PPP1R9A: variants seen among roughly 807,000 people sequenced by gnomAD.
PPP1R9A encodes the protein protein phosphatase 1 regulatory subunit 9A.
Under a neutral mutation model 141.9 loss-of-function variants are expected in PPP1R9A, and 59 were observed. The observed-to-expected ratio is 0.42, with a 90% CI of 0.34 to 0.52. The LOEUF is 0.52. Among genes scored for constraint, PPP1R9A ranks in the 20% least tolerant of loss-of-function variants. The pLI, the probability that PPP1R9A is intolerant of heterozygous loss-of-function variation, is 0.10. For synonymous variants in PPP1R9A, 500 were observed against 569.7 expected (o/e 0.88, Z 1.74); for missense variants, 1,444 against 1,611.9 (o/e 0.90, Z 1.78).
At chr7:95,118,663 C>T (rs1821940141) in intron 3 of PPP1R9A, among the ~76,000 whole-genome samples, 1 of 152,020 alleles carries the variant, frequency 6.6e-6, no homozygotes, top group Admixed American at 6.6e-5. Context: ...AAACCTTCAT[C>T]CGAAGAATAC....
At chr7:95,173,494 T>A (rs930135204) in intron 5 of PPP1R9A, among the ~76,000 whole-genome samples, 3 of 151,692 alleles carry the variant, frequency 2.0e-5, no homozygotes, top group African/African-American at 4.8e-5. Flanking sequence ...GCAAAAAGTG[T>A]AAGAGGAAAT....
chr7:95,263,272 A>G (rs1179477369), intron 12 of PPP1R9A, among the ~76,000 whole-genome samples: 1 of 152,352 alleles, frequency 6.6e-6, no homozygotes, highest in East Asian at 1.9e-4. Context: ...ACATAAATGT[A>G]AACAATTACA....
chr7:95,246,629 G>A (rs1170224070), intron 8 of PPP1R9A, among the ~76,000 whole-genome samples: 2 of 152,146 alleles, frequency 1.3e-5, no homozygotes, highest in African/African-American at 4.8e-5. Context: ...TCTGAAGTTG[G>A]AAGAATGCTG....
chr7:95,287,253 G>T, intron 18 of PPP1R9A: 1 of 1,267,582 alleles, frequency 7.9e-7, no homozygotes, highest in Non-Finnish European at 1.2e-6. Context: ...TGTAGTGAAG[G>T]GTTTCCTTGT....
At position 95,070,211 on chromosome 7, in the gene PPP1R9A, C is replaced by G. The variant is rs992044719; in HGVS notation, c.1396-41048C>G. ...CACCTGATTTTGTCTAGAAATCATT[C>G]CCAAGTGGGTAAACATCATATATGT... is the stretch of plus-strand genomic sequence containing the variant. On this transcript the variant is annotated intron_variant, in intron 2 of 19. Coordinates refer to ENST00000433360, the MANE Select transcript of PPP1R9A (RefSeq NM_001166160.2). Among the ~76,000 whole-genome samples, 7 of 152,138 alleles carry G rather than the reference C, an allele frequency of 4.6e-5. No individual in the cohort carries two copies. The East Asian group carries it at 1.4e-3, about 29-fold the overall frequency.
chr7:95,055,658 A>T (rs941149957), intron 2 of PPP1R9A, among the ~76,000 whole-genome samples: 1 of 152,098 alleles, frequency 6.6e-6, no homozygotes, highest in African/African-American at 2.4e-5. Flanking sequence ...CTTTGACTTT[A>T]GTCATGTTAA....
At chr7:94,983,621 G>A (rs563863375) in intron 2 of PPP1R9A, among the ~76,000 whole-genome samples, 1 of 152,070 alleles carries the variant, frequency 6.6e-6, no homozygotes, top group East Asian at 1.9e-4. Flanking sequence ...TCATGATTTG[G>A]CTCTCTGTCT....
chr7:95,256,734 C>T lies in PPP1R9A; in HGVS notation c.2665+4604C>T, dbSNP rs1207673253. Among the ~76,000 whole-genome samples, 9 of 152,002 alleles carry T rather than the reference C, an allele frequency of 5.9e-5. 2 individuals carry two copies. Among genetic ancestry groups the T allele is most frequent in the Admixed American group, 5.9e-4 (9 of 15,236 alleles). On this transcript the variant is annotated intron_variant, in intron 12 of 19. Coordinates refer to ENST00000433360, the MANE Select transcript of PPP1R9A (RefSeq NM_001166160.2). ...ATAAAATTGAATACATTAAAAAACTCGAGTCTTCTGATTATTAGATGTTAT... is the reference window on the plus strand; with the variant it reads ...ATAAAATTGAATACATTAAAAAACTTGAGTCTTCTGATTATTAGATGTTAT...
chr7:95,085,970 C>T (rs1471749039), intron 2 of PPP1R9A, among the ~76,000 whole-genome samples: 2 of 151,688 alleles, frequency 1.3e-5, no homozygotes, highest in Admixed American at 6.6e-5. Flanking sequence ...AATTTATTTT[C>T]TGTATGACGT....
intron 12 of PPP1R9A, among the ~76,000 whole-genome samples, chr7:95,262,499 A>T (rs1324493646): frequency 6.6e-6 from 1 of 152,358 alleles, no homozygotes; most frequent in East Asian, 1.9e-4. Context: ...ATTTGATAGC[A>T]GTTAGGACAT....
At chr7:95,022,426 A>AG (rs1389016418) in intron 2 of PPP1R9A, among the ~76,000 whole-genome samples, 1 of 152,194 alleles carries the variant, frequency 6.6e-6, no homozygotes, top group African/African-American at 2.4e-5. Context: ...ATCTGCAAAT[A>AG]GAGACAATTT....
intron 3 of PPP1R9A, among the ~76,000 whole-genome samples, 199 bp from the exon 4 acceptor site, chr7:95,120,513 A>G (rs1190632377): frequency 6.6e-6 from 1 of 152,224 alleles, no homozygotes; most frequent in African/African-American, 2.4e-5. Context: ...AATGATGCTA[A>G]ATGCATGAGC....
At chr7:94,997,770 C>G (rs1470939671) in intron 2 of PPP1R9A, among the ~76,000 whole-genome samples, 1 of 152,166 alleles carries the variant, frequency 6.6e-6, no homozygotes, top group Non-Finnish European at 1.5e-5. Flanking sequence ...TCTGAGCTCA[C>G]TAGTACTCAG....
chr7:95,181,714 CCGTCACATATATATAGAATATA>C (rs1563371274), intron 5 of PPP1R9A, among the ~76,000 whole-genome samples: 26 of 120,778 alleles, frequency 2.2e-4, no homozygotes, highest in African/African-American at 6.7e-4. Flanking sequence ...TATATATATT[CCGTCACATATATATAGAATATA>C]TATATATTCC....
intron 2 of PPP1R9A, among the ~76,000 whole-genome samples, chr7:95,010,945 G>A (rs755399739): frequency 6.6e-6 from 1 of 152,138 alleles, no homozygotes; most frequent in Non-Finnish European, 1.5e-5. Flanking sequence ...GGTATTGCAC[G>A]TAGAAAGTAG....
chr7:95,261,316 A>G (rs962586383), intron 12 of PPP1R9A, among the ~76,000 whole-genome samples: 1 of 152,246 alleles, frequency 6.6e-6, no homozygotes, highest in Non-Finnish European at 1.5e-5. Flanking sequence ...TGTGCCAACC[A>G]TATTATTTCA....
intron 2 of PPP1R9A, among the ~76,000 whole-genome samples, chr7:94,980,467 T>C (rs187208434): frequency 1.3e-5 from 2 of 152,320 alleles, no homozygotes; most frequent in East Asian, 3.9e-4. Flanking sequence ...TATAAAATAT[T>C]CAGTTTTTGA....
At chr7:95,069,272 G>T (rs2152128498) in intron 2 of PPP1R9A, among the ~76,000 whole-genome samples, 1 of 152,268 alleles carries the variant, frequency 6.6e-6, no homozygotes, top group East Asian at 1.9e-4. Context: ...CAGAAATGTG[G>T]AGGGGGAGGG....
chr7:94,929,760 G>A (rs1490919894), intron 2 of PPP1R9A, among the ~76,000 whole-genome samples: 1 of 152,068 alleles, frequency 6.6e-6, no homozygotes, highest in Non-Finnish European at 1.5e-5. Flanking sequence ...GGCTAGGTGT[G>A]GGGTGGGAAT....
Sources: allele counts gnomAD v4.1 joint callset (sites outside exome capture counted in the v4.1 genomes callset), GRCh38; gene constraint gnomAD v4.1.1; transcripts MANE v1.5; gene names NCBI Gene and HGNC (gene_info 2026-07-23, HGNC 2026-07-21).